The following CAP2 variants were observed in gnomAD, a reference collection of about 807,000 sequenced individuals.
CAP2 encodes cyclase associated actin cytoskeleton regulatory protein 2.
CAP2 carries 24 observed loss-of-function variants against 57.7 expected under a neutral mutation model. The ratio of observed to expected loss-of-function variants is 0.42; its 90% CI spans 0.30 to 0.58. The LOEUF (loss-of-function observed/expected upper bound fraction) is 0.58, where lower values mean the gene tolerates loss of function less well. Ranked by LOEUF, CAP2 falls within the 20% of genes least tolerant of loss-of-function variation. The pLI is 0.22. For synonymous variants in CAP2, 194 were observed against 207.2 expected, an observed-to-expected ratio of 0.94 and a Z score of 0.55; for missense variants, 501 against 590.3, an observed-to-expected ratio of 0.85 and a Z score of 1.57.
intron 7 of CAP2, among the ~76,000 whole-genome samples, chr6:17,534,087 A>T (rs1463233522): frequency 6.6e-6 from 1 of 152,080 alleles, no homozygotes; most frequent in African/African-American, 2.4e-5. Flanking sequence ...TCAGTTCTCA[A>T]CTTCACTTTC....
intron 3 of CAP2, among the ~76,000 whole-genome samples, chr6:17,444,770 T>G (rs1760203444): frequency 6.6e-6 from 1 of 150,478 alleles, no homozygotes; most frequent in Non-Finnish European, 1.5e-5. Context: ...ACTATTAGAT[T>G]GCCATGTCTC....
chr6:17,478,405 C>CA (rs1761210050), intron 4 of CAP2, among the ~76,000 whole-genome samples: 1 of 151,348 alleles, frequency 6.6e-6, no homozygotes, highest in East Asian at 1.9e-4. Flanking sequence ...CTCAGCCTCT[C>CA]AAAGTGCTGA....
chr6:17,447,468 C>G (rs1233737803), intron 3 of CAP2, among the ~76,000 whole-genome samples: 2 of 152,182 alleles, frequency 1.3e-5, no homozygotes, highest in Non-Finnish European at 2.9e-5. Flanking sequence ...CTGGGCACAG[C>G]TATCAACAAA....
chr6:17,551,694 G>A (rs754956056), intron 12 of CAP2, 90 bp downstream of exon 12: 23 of 1,000,378 alleles, frequency 2.3e-5, no homozygotes, highest in African/African-American at 1.9e-4. Flanking sequence ...ACCAACCTGC[G>A]AGCTTTATTT....
chr6:17,511,391 T>A (rs892013294), intron 6 of CAP2, among the ~76,000 whole-genome samples: 1 of 152,170 alleles, frequency 6.6e-6, no homozygotes, highest in Non-Finnish European at 1.5e-5. Flanking sequence ...CTGTGAGCAG[T>A]GAAATCTGTA....
At chr6:17,508,822 A>C (rs1340025392) in intron 6 of CAP2, among the ~76,000 whole-genome samples, 2 of 149,426 alleles carry the variant, frequency 1.3e-5, no homozygotes, top group African/African-American at 5.0e-5. Context: ...CGATCTTGGC[A>C]TCTTGGCTCA....
At chr6:17,536,955 T>C (rs1013592092) in intron 7 of CAP2, among the ~76,000 whole-genome samples, 1 of 152,180 alleles carries the variant, frequency 6.6e-6, no homozygotes, top group Admixed American at 6.6e-5. Flanking sequence ...ATGGTCAGTC[T>C]CAGGAACTGT....
At chr6:17,397,927 A>T (rs568632731) in intron 1 of CAP2, among the ~76,000 whole-genome samples, 1 of 151,666 alleles carries the variant, frequency 6.6e-6, no homozygotes, top group African/African-American at 2.4e-5. Context: ...TTAATGGGAA[A>T]AAAAAAAAAA....
At chr6:17,539,574 C>A in intron 8 of CAP2, 116 bp downstream of exon 8, 1 of 767,756 alleles carries the variant, frequency 1.3e-6, no homozygotes, top group Non-Finnish European at 2.1e-6. Flanking sequence ...CTCCAGCATG[C>A]AGGGAGAGGG....
intron 6 of CAP2, among the ~76,000 whole-genome samples, chr6:17,511,568 C>T (rs551297469): frequency 6.2e-4 from 94 of 152,300 alleles, no homozygotes; most frequent in African/African-American, 2.2e-3. Flanking sequence ...TCTCCTGCCT[C>T]AGCCTCCTGA....
chr6:17,464,908 A>G (rs1469716921), intron 4 of CAP2, among the ~76,000 whole-genome samples: 1 of 152,230 alleles, frequency 6.6e-6, no homozygotes, highest in African/African-American at 2.4e-5. Context: ...ATTCTCAGGT[A>G]GAAGAAGAAC....
chr6:17,518,241 G>A (rs898016012), intron 7 of CAP2, among the ~76,000 whole-genome samples: 25 of 151,956 alleles, frequency 1.6e-4, no homozygotes, highest in Non-Finnish European at 2.8e-4. Flanking sequence ...CTATTAAAAA[G>A]TATATTATAA....
chr6:17,484,897 A>G (rs1194798729), intron 4 of CAP2, among the ~76,000 whole-genome samples: 1 of 152,178 alleles, frequency 6.6e-6, no homozygotes, highest in Non-Finnish European at 1.5e-5. Flanking sequence ...CTGGCCACAA[A>G]TTGTTCTTTA....
intron 7 of CAP2, among the ~76,000 whole-genome samples, chr6:17,538,247 C>G (rs1270578998): frequency 6.7e-6 from 1 of 150,094 alleles, no homozygotes; most frequent in Admixed American, 6.6e-5. Flanking sequence ...GCCAGGAGTT[C>G]AAGACCAGCC....
chr6:17,438,490 G>GT (rs1284076386), intron 3 of CAP2, among the ~76,000 whole-genome samples: 6 of 109,580 alleles, frequency 5.5e-5, no homozygotes, highest in African/African-American at 2.4e-4. Flanking sequence ...CCAGGCTGGA[G>GT]TGCAGTGGCA....
chr6:17,420,112 C>T (rs1441261680), intron 1 of CAP2, among the ~76,000 whole-genome samples: 2 of 152,100 alleles, frequency 1.3e-5, no homozygotes, highest in East Asian at 1.9e-4. Context: ...CTTCGTGATC[C>T]GCCTGCCTCA....
intron 3 of CAP2, among the ~76,000 whole-genome samples, chr6:17,441,779 C>T (rs1442863496): frequency 6.6e-6 from 1 of 152,208 alleles, no homozygotes; most frequent in Non-Finnish European, 1.5e-5. Context: ...GCCACGGTGC[C>T]TGGCCTTAAA....
intron 7 of CAP2, among the ~76,000 whole-genome samples, chr6:17,518,848 G>C (rs9477465): frequency 0.054 from 8,213 of 152,040 alleles, 269 homozygotes; most frequent in Middle Eastern, 0.096. Flanking sequence ...ATGTTGCCCA[G>C]GGTGGTCTAG....
At chr6:17,515,302 T>TAG (rs1762250806) in intron 7 of CAP2, among the ~76,000 whole-genome samples, 2 of 152,320 alleles carry the variant, frequency 1.3e-5, no homozygotes, top group Admixed American at 1.3e-4. Flanking sequence ...ATCATGTCCT[T>TAG]TGCAGCAACA....
Sources: allele counts gnomAD v4.1 joint callset (sites outside exome capture counted in the v4.1 genomes callset), GRCh38; gene constraint gnomAD v4.1.1; transcripts MANE v1.5; gene names NCBI Gene and HGNC (gene_info 2026-07-23, HGNC 2026-07-21).